TIAM2: variants seen among roughly 807,000 people sequenced by gnomAD.
The protein encoded by TIAM2 is TIAM Rac1 associated GEF 2.
Under a neutral mutation model 152.9 loss-of-function variants are expected in TIAM2, and 80 were observed. That is an observed-to-expected ratio of 0.52 (90% CI 0.44 to 0.63). The LOEUF is 0.63. Among genes scored for constraint, TIAM2 ranks in the 30% least tolerant of loss-of-function variants. TIAM2 has a pLI of 0.00. For synonymous variants in TIAM2, 804 were observed against 838.0 expected, an observed-to-expected ratio of 0.96 and a Z score of 0.70; for missense variants, 1,965 against 2,120.1, an observed-to-expected ratio of 0.93 and a Z score of 1.44.
intron 25 of TIAM2, 167 bp downstream of exon 25, chr6:155,254,227 A>G (rs993040678): frequency 2.1e-5 from 21 of 995,816 alleles, no homozygotes; most frequent in South Asian, 6.9e-5. Flanking sequence ...TGTTGATTAA[A>G]TAAATATCAA....
At chr6:155,193,669 T>C (rs1253651467) in intron 14 of TIAM2, among the ~76,000 whole-genome samples, 1 of 152,182 alleles carries the variant, frequency 6.6e-6, no homozygotes, top group African/African-American at 2.4e-5. Flanking sequence ...CGATTGTGCT[T>C]GGGTATGCAG....
Position 155,117,908 on chromosome 6 carries a change from C to T in TIAM2, c.-117-9582C>T, listed in dbSNP as rs140650574. Among the ~76,000 whole-genome samples the T allele has an allele frequency of 1.2e-3, 176 of 152,352 alleles. 1 individual carries two copies. The highest frequency in any genetic ancestry group is 6.0e-3 in the East Asian group (31 of 5,188). Reference sequence around the variant, plus strand: ...CTCCGTGTATAGGAGAGTCTCCAAACATTCATGTCGAATTGTTGAGTGGAA... The same window carrying T: ...CTCCGTGTATAGGAGAGTCTCCAAATATTCATGTCGAATTGTTGAGTGGAA... On this transcript the variant is annotated intron_variant, in intron 2 of 26. Coordinates refer to ENST00000682666, the MANE Select transcript of TIAM2 (RefSeq NM_012454.4).
chr6:155,130,269 A>C lies in TIAM2; in HGVS notation c.1046A>C (p.Asp349Ala), dbSNP rs1177045773. 1 of 1,613,894 alleles carries C rather than the reference A, an allele frequency of 6.2e-7. No homozygotes were observed. Among genetic ancestry groups the C allele is most frequent in the Admixed American group, 1.7e-5 (1 of 59,990 alleles). ...IDVPSRVAHG[D>A]PIQYSSFTLP... The stretch of plus-strand genomic sequence containing the variant: ...GTGCCCTCCAGAGTGGCACACGGGG[A>C]CCCCATCCAGTACAGTTCCTTCACT... The change falls in exon 4 of 27, where the codon GAC (aspartate) becomes GCC (alanine). Residue 349 changes from aspartate to alanine, a missense_variant. By Grantham distance (126) the Asp-to-Ala change is moderately radical. Around this residue, in one of 3 missense-constraint regions of TIAM2, gnomAD observed 1,025 missense variants for 1,119.4 expected, o/e 0.92. Transcript: ENST00000682666.
intron 2 of TIAM2, among the ~76,000 whole-genome samples, chr6:155,118,012 C>G (rs80216738): frequency 0.051 from 7,772 of 152,316 alleles, 422 homozygotes; most frequent in African/African-American, 0.14. Flanking sequence ...CTGCCTCCCA[C>G]ACTGACGCTG....
At position 155,176,841 on chromosome 6, in the gene TIAM2, G is replaced by A. The variant is rs754771574; in HGVS notation, c.2387G>A (p.Gly796Asp). The A allele has an allele frequency of 6.2e-7, 1 of 1,613,314 alleles. No individual in the cohort carries two copies. Among genetic ancestry groups the A allele is most frequent in the Non-Finnish European group, 8.5e-7 (1 of 1,179,720 alleles). Residue 796 changes from glycine to aspartate, a missense_variant, in exon 10 of 27, where the codon GGT becomes GAT. Physicochemically the swap from Gly to Asp is moderately conservative, Grantham distance 94. Coordinates refer to ENST00000682666, the MANE Select transcript of TIAM2 (RefSeq NM_012454.4). ...GTCGATGAACTTCTGCATATATATG[G>A]TTCAACAGTAGACGGTGTTCCCCGA... ...TQVDELLHIY[G>D]STVDGVPRDN...
chr6:155,112,536 A>G (rs1440513424), intron 2 of TIAM2, among the ~76,000 whole-genome samples: 1 of 151,658 alleles, frequency 6.6e-6, no homozygotes, highest in Non-Finnish European at 1.5e-5. Context: ...GCCTCCTTGG[A>G]CCCCATGTCT....
At chr6:155,104,031 CACACACACA>C (rs1778609888) in intron 2 of TIAM2, among the ~76,000 whole-genome samples, 3 of 73,480 alleles carry the variant, frequency 4.1e-5, no homozygotes, top group African/African-American at 1.7e-4. Context: ...ATTTACCTCA[CACACACACA>C]CCCCCCCCCC....
chr6:155,195,495 A>T (rs1781319806), intron 14 of TIAM2, among the ~76,000 whole-genome samples: 1 of 152,210 alleles, frequency 6.6e-6, no homozygotes, highest in African/African-American at 2.4e-5. Flanking sequence ...GCATTGATCT[A>T]GGAGGGCTAG....
intron 1 of TIAM2, among the ~76,000 whole-genome samples, chr6:155,011,507 C>A (rs1778488892): frequency 6.6e-6 from 1 of 152,148 alleles, no homozygotes. Context: ...TAGTTCTGAA[C>A]AATGAAACAG....
chr6:155,253,275 T>A, intron 24 of TIAM2: 1 of 525,660 alleles, frequency 1.9e-6, no homozygotes, highest in Non-Finnish European at 3.4e-6. Context: ...TTTCATTGTT[T>A]CCTTATTTTC....
chr6:155,251,055 C>G, intron 22 of TIAM2, 34 bp downstream of exon 22: 1 of 1,586,186 alleles, frequency 6.3e-7, no homozygotes, highest in Non-Finnish European at 8.7e-7. Context: ...GCAGACTGAA[C>G]AGAGGCTGGG....
chr6:155,045,265 T>C (rs968133714), intron 1 of TIAM2, among the ~76,000 whole-genome samples: 16 of 152,090 alleles, frequency 1.1e-4, no homozygotes, highest in Non-Finnish European at 1.5e-5. Context: ...GGTTTCATTA[T>C]GTTGGCCAGA....
chr6:155,004,967 A>T, intron 1 of TIAM2: 1 of 309,178 alleles, frequency 3.2e-6, no homozygotes, highest in Non-Finnish European at 5.5e-6. Flanking sequence ...TCAGCTTCCC[A>T]GGCAGGCCTT....
rs555570060 is a variant in TIAM2 at position 155,137,290 on chromosome 6, T to C, written c.1308T>C (p.Thr436=). The change falls in exon 5 of 27, where the codon ACT becomes ACC. Residue 436 remains threonine (T), a synonymous_variant. Transcript: ENST00000682666. Reference sequence around the variant, plus strand: ...CTTTTCTGTGGTCAGGGGGCTCTACTCAGATCCTGTCTCAGAGAAGTGAAT... The same window carrying C: ...CTTTTCTGTGGTCAGGGGGCTCTACCCAGATCCTGTCTCAGAGAAGTGAAT... ...ASAFLWSGGS[T]QILSQRSEST... 3 of 1,614,204 alleles carry C rather than the reference T, an allele frequency of 1.9e-6. No homozygotes were observed. Among genetic ancestry groups the C allele is most frequent in the Middle Eastern group, 1.6e-4 (1 of 6,062 alleles).
chr6:155,087,330 T>C lies in TIAM2; in HGVS notation c.-208-2959T>C, dbSNP rs192229906. 3.9e-5 allele frequency among the ~76,000 whole-genome samples: 6 copies of C among 152,358 alleles called. No individual in the cohort carries two copies. In the East Asian group the frequency reaches 1.2e-3, roughly 29 times the overall value. On this transcript the variant is annotated intron_variant, in intron 1 of 26. Coordinates refer to ENST00000682666, the MANE Select transcript of TIAM2 (RefSeq NM_012454.4). ...GATCTTATATTTTATAGTTTTCAGT[T>C]AGTAAATCATTTATGAGGCCATCAG...
At chr6:155,048,098 A>G in intron 1 of TIAM2, among the ~76,000 whole-genome samples, 1 of 151,982 alleles carries the variant, frequency 6.6e-6, no homozygotes. Flanking sequence ...GACTACAGGC[A>G]TGTGCCACCA....
At chr6:155,181,541 C>G (rs1780903473) in intron 12 of TIAM2, among the ~76,000 whole-genome samples, 2 of 152,140 alleles carry the variant, frequency 1.3e-5, no homozygotes, top group Non-Finnish European at 2.9e-5. Context: ...TAAGTACATT[C>G]ACAATGTTGT....
intron 14 of TIAM2, among the ~76,000 whole-genome samples, chr6:155,208,363 C>G (rs1211679299): frequency 6.6e-6 from 1 of 152,062 alleles, no homozygotes; most frequent in Non-Finnish European, 1.5e-5. Flanking sequence ...AGAATCACCC[C>G]CTCCTGTACC....
chr6:155,252,335 A>G (rs1366422281), intron 23 of TIAM2, among the ~76,000 whole-genome samples: 1 of 152,098 alleles, frequency 6.6e-6, no homozygotes, highest in African/African-American at 2.4e-5. Context: ...TGGGTGTGGT[A>G]GCACGTGCCT....
Sources: gnomAD v4.1 joint callset for allele counts (sites outside exome capture counted in the v4.1 genomes callset) on GRCh38, gnomAD v4.1.1 for gene constraint, gnomAD v4.1.1 regional missense constraint, MANE v1.5 for transcripts, NCBI Gene and HGNC (gene_info 2026-07-23, HGNC 2026-07-21) for gene names.